Variants in P3H3 observed in about 807,000 individuals in gnomAD.
P3H3 encodes gene rich cluster, B.
A neutral mutation model predicts 78.1 loss-of-function variants in P3H3; 64 were observed. The observed-to-expected ratio is 0.82, with a 90% CI of 0.67 to 1.01. The LOEUF is 1.01. Ranked by LOEUF, P3H3 falls within the 50% of genes least tolerant of loss-of-function variation. The pLI is 0.00. For synonymous variants in P3H3, 425 were observed against 416.7 expected, an observed-to-expected ratio of 1.02 and a Z score of -0.24; for missense variants, 975 against 982.2, an observed-to-expected ratio of 0.99 and a Z score of 0.10.
rs782374615 is a variant in P3H3 at position 6,829,131 on chromosome 12, G to C, written c.498+193G>C. 4.8e-5 allele frequency: 19 copies of C among 399,618 alleles called. No homozygotes were observed. Among genetic ancestry groups the C allele is most frequent in the South Asian group, 1.4e-4 (1 of 7,136 alleles). 24.8% of individuals were successfully genotyped at this position (399,618 alleles called of 1,614,324 possible). ...CTTGAGATCGCAGAGGAGCAGCCGA[G>C]GGGGAGTGCGAGCAGAATGGGAATG... On this transcript the variant is annotated intron_variant, in intron 1 of 14. Coordinates refer to ENST00000290510, the MANE Select transcript of P3H3 (RefSeq NM_014262.5). The surrounding 1 kb of genome is among the most constrained non-coding windows in gnomAD (Gnocchi z 5.1).
In P3H3 at chr12:6,828,693, C is replaced by T. The variant is rs1555120826; in HGVS notation, c.253C>T (p.Pro85Ser). The T allele has an allele frequency of 2.4e-6, 3 of 1,243,558 alleles. No homozygotes were observed. The highest frequency in any genetic ancestry group is 3.1e-4 in the Middle Eastern group (1 of 3,216). 77.0% of individuals were successfully genotyped at this position (1,243,558 alleles called of 1,614,324 possible). Residue 85 changes from proline (P) to serine (S), a missense_variant, in exon 1 of 15, where the codon CCG (proline) becomes TCG (serine). Coordinates refer to ENST00000290510, the MANE Select transcript of P3H3 (RefSeq NM_014262.5). ...LDCGASCAAD[P>S]GAALPAVLLG... ...TTGCGGGGCGAGCTGCGCGGCCGAT[C>T]CGGGCGCCGCGCTCCCCGCCGTGCT...
chr12:6,833,588 G>A lies in P3H3; in HGVS notation c.1213-4G>A, dbSNP rs111787554. 744 of 1,613,760 alleles carry A rather than the reference G, an allele frequency of 4.6e-4. 2 individuals are homozygous for A. In the African/African-American group the frequency reaches 7.6e-3, roughly 17 times the overall value. On this transcript the variant is annotated splice_polypyrimidine_tract_variant and splice_region_variant and intron_variant, in intron 6 of 14. Coordinates refer to ENST00000290510, the MANE Select transcript of P3H3 (RefSeq NM_014262.5). ...GGTGATGATGCTTTTCTGGACTGTC[G>A]CAGGACCCCTGGACCCCTGCAGCTC...
chr12:6,838,743 A>T (rs992088338), intron 13 of P3H3, among the ~76,000 whole-genome samples: 3 of 152,214 alleles, frequency 2.0e-5, no homozygotes, highest in African/African-American at 7.2e-5. Flanking sequence ...TCAGGGTACC[A>T]GGGGTCAGGA....
intron 4 of P3H3, 128 bp downstream of exon 4, chr12:6,830,898 T>C: frequency 7.3e-7 from 1 of 1,376,746 alleles, no homozygotes; most frequent in Non-Finnish European, 1.0e-6. Context: ...ATGGGAACCA[T>C]CACTTCACAA....
rs1169285880 is a variant in P3H3 at position 6,828,591 on chromosome 12, G to A, written c.151G>A (p.Gly51Arg). Reference sequence around the variant, plus strand: ...TGACGGGCTGCGCGCCTACGCGGCCGGGGCTTGGGCGCCGGCCGTGGCGCT... The same window carrying A: ...TGACGGGCTGCGCGCCTACGCGGCCAGGGCTTGGGCGCCGGCCGTGGCGCT... ...YADGLRAYAA[G>R]AWAPAVALLR... The change falls in exon 1 of 15, where the codon GGG becomes AGG. Residue 51 changes from glycine to arginine, a missense_variant. Transcript: ENST00000290510. The A allele has an allele frequency of 2.5e-6, 3 of 1,223,238 alleles. No individual in the cohort carries two copies. The highest frequency in any genetic ancestry group is 8.2e-5 in the South Asian group (2 of 24,418). 75.8% of individuals were successfully genotyped at this position (1,223,238 alleles called of 1,614,324 possible). A position where few individuals can be genotyped will look rare whatever the true frequency, so the allele number is the denominator to read the frequency against.
chr12:6,837,917 G>A (rs782003991), intron 12 of P3H3, 41 bp from the exon 13 acceptor site: 1 of 1,592,754 alleles, frequency 6.3e-7, no homozygotes, highest in Non-Finnish European at 8.6e-7. Context: ...GCCTGGGCCT[G>A]GGTTGGGGTC....
Position 6,836,054 on chromosome 12 carries a change from C to T in P3H3, c.1459-931C>T, listed in dbSNP as rs184571829. 2.0e-3 allele frequency among the ~76,000 whole-genome samples: 302 copies of T among 152,148 alleles called. 1 individual carries two copies. The highest frequency in any genetic ancestry group is 6.8e-3 in the African/African-American group (282 of 41,488). Reference sequence around the variant, plus strand: ...CAGCCTGAGCAACGTGGTAAAACCCCGTCTCTACAAAAATACAAAAAATTA... The same window carrying T: ...CAGCCTGAGCAACGTGGTAAAACCCTGTCTCTACAAAAATACAAAAAATTA... On this transcript the variant is annotated intron_variant, in intron 9 of 14. Coordinates refer to ENST00000290510, the MANE Select transcript of P3H3 (RefSeq NM_014262.5).
rs1943407285 is a variant in P3H3 at position 6,828,570 on chromosome 12, G to C, written c.130G>C (p.Gly44Arg). The C allele has an allele frequency of 2.4e-6, 3 of 1,231,574 alleles. No homozygotes were observed. The highest frequency in any genetic ancestry group is 3.0e-6 in the Non-Finnish European group (3 of 987,426). The allele number at this position is 1,231,574 out of a possible 1,614,324, so 76.3% of individuals were successfully genotyped here. Residue 44 changes from glycine (G) to arginine (R), a missense_variant, in exon 1 of 15, where the codon GGG becomes CGG. Gly to Arg is a moderately radical substitution (Grantham distance 125). Coordinates refer to ENST00000290510, the MANE Select transcript of P3H3 (RefSeq NM_014262.5). ...GGCCCCCGACTTGCTCTACGCTGACGGGCTGCGCGCCTACGCGGCCGGGGC... is the reference window on the plus strand; with the variant it reads ...GGCCCCCGACTTGCTCTACGCTGACCGGCTGCGCGCCTACGCGGCCGGGGC... Reference protein sequence around the residue: ...PQAPDLLYADGLRAYAAGAWA... With the variant: ...PQAPDLLYADRLRAYAAGAWA...
chr12:6,829,849 G>T lies in P3H3; in HGVS notation c.499-10G>T. ...AGGGCTCTGATGCCCTCCTCCCTTC[G>T]CCTCCTCAGTTGAAGAAGCTGGATC... On this transcript the variant is annotated splice_polypyrimidine_tract_variant and intron_variant, in intron 1 of 14. Coordinates refer to ENST00000290510, the MANE Select transcript of P3H3 (RefSeq NM_014262.5). The surrounding 1 kb of genome is among the most constrained non-coding windows in gnomAD (Gnocchi z 5.1). The T allele has an allele frequency of 1.9e-6, 3 of 1,613,826 alleles. No individual in the cohort carries two copies. Among genetic ancestry groups the T allele is most frequent in the South Asian group, 1.1e-5 (1 of 91,072 alleles).
At position 6,839,070 on chromosome 12, in the gene P3H3, G is replaced by A. The variant is rs782066832; in HGVS notation, c.1976G>A (p.Trp659Ter). The A allele has an allele frequency of 1.1e-5, 17 of 1,611,908 alleles. No homozygotes were observed. Among genetic ancestry groups the A allele is most frequent in the African/African-American group, 1.3e-5 (1 of 74,898 alleles). Residue 659 changes from tryptophan (W) to a stop codon, truncating the protein, a stop_gained, in exon 14 of 15, where the codon TGG becomes TAG. Coordinates refer to ENST00000290510, the MANE Select transcript of P3H3 (RefSeq NM_014262.5). LOFTEE classifies it high-confidence loss of function. ...SSGVENPHGV[W>*]AVTRGRRCAL... is the part of the protein sequence containing the mutation. Reference sequence around the variant, plus strand: ...GGTGTCGAGAATCCCCATGGGGTGTGGGCCGTGACTCGGGGACGGCGCTGT... The same window carrying A: ...GGTGTCGAGAATCCCCATGGGGTGTAGGCCGTGACTCGGGGACGGCGCTGT...
chr12:6,834,176 T>TGCCTCTCA (rs1943475199), intron 9 of P3H3, 127 bp downstream of exon 9: 1 of 1,381,038 alleles, frequency 7.2e-7, no homozygotes, highest in African/African-American at 1.4e-5. Flanking sequence ...TGCTTACCAC[T>TGCCTCTCA]GCCTCTCAGC....
chr12:6,834,205 C>G (rs1555121848), intron 9 of P3H3, among the ~76,000 whole-genome samples, 156 bp downstream of exon 9: 1 of 152,182 alleles, frequency 6.6e-6, no homozygotes, highest in African/African-American at 2.4e-5. Flanking sequence ...AGTTCCGTCT[C>G]GTCTTAATTT....
Position 6,835,084 on chromosome 12 carries a change from T to C in P3H3, c.1458+1035T>C, listed in dbSNP as rs1425687975. ...AATCAGTCTAAGAGGGAGAAGAGCA[T>C]GGTGCATTCTGGGAACTGCAGTCAA... On this transcript the variant is annotated intron_variant, in intron 9 of 14. Coordinates refer to ENST00000290510, the MANE Select transcript of P3H3 (RefSeq NM_014262.5). 3 of 152,310 alleles carry C rather than the reference T, an allele frequency of 2.0e-5. No homozygotes were observed. In the East Asian group the frequency reaches 5.8e-4, roughly 29 times the overall value. The allele number at this position is 152,310 out of a possible 1,614,324, so 9.4% of individuals were successfully genotyped here.
intron 13 of P3H3, among the ~76,000 whole-genome samples, chr12:6,838,365 C>T (rs1029400335): frequency 2.6e-5 from 4 of 152,230 alleles, no homozygotes; most frequent in African/African-American, 4.8e-5. Flanking sequence ...CAGTGGCTGG[C>T]GCACAGATAC....
chr12:6,836,838 C>T, intron 9 of P3H3, 147 bp from the exon 10 acceptor site: 1 of 623,558 alleles, frequency 1.6e-6, no homozygotes, highest in East Asian at 2.8e-5. Context: ...TGGGAAAGAG[C>T]AGCAGCTCAG....
At chr12:6,830,963 C>T (rs988018944) in intron 4 of P3H3, 193 bp downstream of exon 4, 3 of 876,730 alleles carry the variant, frequency 3.4e-6, no homozygotes, top group Admixed American at 4.0e-5. Context: ...GATGGGCTTC[C>T]TTCTGCCTTG....
Position 6,837,046 on chromosome 12 carries a change from A to G in P3H3, c.1520A>G (p.His507Arg). 3 of 1,607,798 alleles carry G rather than the reference A, an allele frequency of 1.9e-6. No individual in the cohort carries two copies. The highest frequency in any genetic ancestry group is 1.7e-4 in the Middle Eastern group (1 of 6,060). ...GGTCGCCGCTCCCCTCACACCCCCC[A>G]TGAACGCTTCGAGGGGCTCACGGTG... ...YRGRRSPHTP[H>R]ERFEGLTVLK... Residue 507 changes from histidine (H) to arginine (R), a missense_variant, in exon 10 of 15, where the codon CAT becomes CGT. Physicochemically the swap from His to Arg is conservative, Grantham distance 29. Coordinates refer to ENST00000290510, the MANE Select transcript of P3H3 (RefSeq NM_014262.5).
rs1204574830 is a variant in P3H3, at chr12:6,829,310, G to C, written c.498+372G>C. 1 of 255,482 alleles carries C rather than the reference G, an allele frequency of 3.9e-6. No individual in the cohort carries two copies. Among genetic ancestry groups the C allele is most frequent in the Non-Finnish European group, 7.4e-6 (1 of 135,830 alleles). 15.8% of individuals were successfully genotyped at this position (255,482 alleles called of 1,614,324 possible). Reference sequence around the variant, plus strand: ...GTGTGTGTGTCGGGGGTGGTGGTGAGTGTGAACCTTCGCTTGGGGCAGGAG... The same window carrying C: ...GTGTGTGTGTCGGGGGTGGTGGTGACTGTGAACCTTCGCTTGGGGCAGGAG... On this transcript the variant is annotated intron_variant, in intron 1 of 14. Coordinates refer to ENST00000290510, the MANE Select transcript of P3H3 (RefSeq NM_014262.5). This position sits in a 1 kb window ranked among gnomAD's most constrained non-coding sequence, Gnocchi z 5.1.
In P3H3 at chr12:6,830,350, C is replaced by A. The variant is rs1943434522; in HGVS notation, c.652-3C>A. 6.4e-7 allele frequency: 1 copy of A among 1,574,600 alleles called. No individual in the cohort carries two copies. The highest frequency in any genetic ancestry group is 8.6e-7 in the Non-Finnish European group (1 of 1,161,326). On this transcript the variant is annotated splice_region_variant and splice_polypyrimidine_tract_variant and intron_variant, in intron 2 of 14. Transcript: ENST00000290510. ...GGTGACTGACTGCTCCCTTCCCCAACAGGCAGCCTATGACACTGGCCTGGA... is the reference window on the plus strand; with the variant it reads ...GGTGACTGACTGCTCCCTTCCCCAAAAGGCAGCCTATGACACTGGCCTGGA...
Sources: allele counts gnomAD v4.1 joint callset (sites outside exome capture counted in the v4.1 genomes callset), GRCh38; gene constraint gnomAD v4.1.1; non-coding constraint Gnocchi (gnomAD v3.1); transcripts MANE v1.5; gene names NCBI Gene and HGNC (gene_info 2026-07-23, HGNC 2026-07-21).